Variants in CBX1 observed in about 807,000 individuals in gnomAD.
The protein encoded by CBX1 is chromobox protein homolog 1.
A neutral mutation model predicts 25.1 loss-of-function variants in CBX1; 10 were observed. The observed-to-expected ratio is 0.40, with a 90% CI of 0.25 to 0.68. CBX1 has a LOEUF of 0.68. Ranked by LOEUF, CBX1 falls within the 30% of genes least tolerant of loss-of-function variation. CBX1 has a pLI of 0.40. For synonymous variants in CBX1, 63 were observed against 79.4 expected (o/e 0.79, Z 1.10); for missense variants, 106 against 218.5 (o/e 0.49, Z 3.25).
intron 1 of CBX1, among the ~76,000 whole-genome samples, chr17:48,099,407 CTATT>C (rs1315793926): frequency 2.8e-5 from 3 of 108,466 alleles, no homozygotes; most frequent in African/African-American, 1.5e-4. Flanking sequence ...CCCGACCCTA[CTATT>C]TATTTTTTTA....
intron 1 of CBX1, among the ~76,000 whole-genome samples, chr17:48,087,165 G>A (rs376477946): frequency 2.0e-5 from 3 of 149,822 alleles, no homozygotes; most frequent in African/African-American, 7.4e-5. Flanking sequence ...CTCTAGCCTG[G>A]GCAACAGAGT....
intron 1 of CBX1, among the ~76,000 whole-genome samples, chr17:48,089,452 G>A (rs1269476449): frequency 6.7e-6 from 1 of 150,290 alleles, no homozygotes; most frequent in Non-Finnish European, 1.5e-5. Context: ...AACATTCTTG[G>A]ATAAAAGCTA....
chr17:48,088,027 G>A (rs1231990666), intron 1 of CBX1: 3 of 151,372 alleles, frequency 2.0e-5, no homozygotes, highest in Non-Finnish European at 2.9e-5. Context: ...AATATATAAC[G>A]TGGCCAGGCG....
intron 1 of CBX1, among the ~76,000 whole-genome samples, chr17:48,083,723 C>T (rs959844472): frequency 1.3e-5 from 2 of 149,930 alleles, no homozygotes; most frequent in Non-Finnish European, 2.9e-5. Flanking sequence ...ACTTGGAAGG[C>T]TGAGGCAGGA....
intron 1 of CBX1, among the ~76,000 whole-genome samples, chr17:48,093,737 T>G (rs2109984): frequency 0.73 from 110,449 of 152,178 alleles, 40,820 homozygotes; most frequent in Admixed American, 0.81. Flanking sequence ...TCACAAAATC[T>G]ACATTCCTGT....
Position 48,088,476 on chromosome 17 carries a change from G to A in CBX1, c.-37-11435C>T, listed in dbSNP as rs538438094. Among the ~76,000 whole-genome samples, 736 of 151,940 alleles carry A rather than the reference G, an allele frequency of 4.8e-3. 4 individuals carry two copies. Among genetic ancestry groups the A allele is most frequent in the African/African-American group, 0.016 (675 of 41,420 alleles). Reference sequence around the variant, plus strand: ...TCTACTAAAAATACAAAAATTAGCCGGGCGTGGTGGCGCATGCCTGTAATC... The same window carrying A: ...TCTACTAAAAATACAAAAATTAGCCAGGCGTGGTGGCGCATGCCTGTAATC... On this transcript the variant is annotated intron_variant, in intron 1 of 4. Coordinates refer to ENST00000225603, the MANE Select transcript of CBX1 (RefSeq NM_001127228.2).
chr17:48,094,829 T>C (rs1437997476), intron 1 of CBX1, among the ~76,000 whole-genome samples: 1 of 151,198 alleles, frequency 6.6e-6, no homozygotes, highest in African/African-American at 2.4e-5. Flanking sequence ...GGTGGATCAC[T>C]TGACGCCTGG....
At chr17:48,080,435 T>C (rs1177913693) in intron 1 of CBX1, among the ~76,000 whole-genome samples, 1 of 151,994 alleles carries the variant, frequency 6.6e-6, no homozygotes. Context: ...TCAACAAAAC[T>C]GGCCAAAGAA....
chr17:48,081,692 T>C (rs2037739358), intron 1 of CBX1, among the ~76,000 whole-genome samples: 1 of 152,198 alleles, frequency 6.6e-6, no homozygotes, highest in Non-Finnish European at 1.5e-5. Flanking sequence ...TCTGCCTGCC[T>C]CGGCCTCCCA....
At chr17:48,075,821 A>T (rs539628772) in intron 3 of CBX1, among the ~76,000 whole-genome samples, 180 bp downstream of exon 3, 1 of 152,190 alleles carries the variant, frequency 6.6e-6, no homozygotes, top group Non-Finnish European at 1.5e-5. Flanking sequence ...TGTACCATGG[A>T]TAAAAAGTAA....
intron 1 of CBX1, chr17:48,096,309 T>G (rs115195069): frequency 1.0e-6 from 1 of 981,956 alleles, no homozygotes; most frequent in Non-Finnish European, 1.2e-6. Context: ...CTTGAGTATG[T>G]TGACATGGAT....
chr17:48,083,549 G>A (rs1007812785), intron 1 of CBX1, among the ~76,000 whole-genome samples: 2 of 150,448 alleles, frequency 1.3e-5, no homozygotes, highest in Non-Finnish European at 2.9e-5. Flanking sequence ...GCCAGGTGGC[G>A]TGGTGGCTCA....
chr17:48,075,264 G>A (rs1197675161), intron 3 of CBX1, among the ~76,000 whole-genome samples, 164 bp from the exon 4 acceptor site: 1 of 150,254 alleles, frequency 6.7e-6, no homozygotes, highest in African/African-American at 2.5e-5. Context: ...GTGCGATCTC[G>A]GCTCACTGCA....
At position 48,071,121 on chromosome 17, in the gene CBX1, AT is replaced by A. The variant is rs960137168; in HGVS notation, c.*313del. The A allele has an allele frequency of 1.5e-5, 3 of 202,338 alleles. No individual in the cohort carries two copies. The highest frequency in any genetic ancestry group is 2.0e-5 in the Non-Finnish European group (2 of 99,770). The allele number at this position is 202,338 out of a possible 1,614,324, so 12.5% of individuals were successfully genotyped here. ...GAGATGCTCTTTGAAGATCTACAGT[AT>A]TTTTTTGCTCTCCCACACACCCAAT... On this transcript the variant is annotated 3_prime_UTR_variant, in exon 5 of 5. Coordinates refer to ENST00000225603, the MANE Select transcript of CBX1 (RefSeq NM_001127228.2).
At chr17:48,092,366 C>T (rs994975194) in intron 1 of CBX1, among the ~76,000 whole-genome samples, 4 of 151,314 alleles carry the variant, frequency 2.6e-5, no homozygotes, top group African/African-American at 9.7e-5. Context: ...ACCTGTAATC[C>T]CAGCAGTTTA....
At chr17:48,073,368 G>A (rs4995899) in intron 4 of CBX1, among the ~76,000 whole-genome samples, 16,959 of 152,074 alleles carry the variant, frequency 0.11, 1,016 homozygotes, top group East Asian at 0.19. Flanking sequence ...GAAGCATGCT[G>A]CCATTTGCTG....
chr17:48,087,657 A>G (rs1343819605), intron 1 of CBX1, among the ~76,000 whole-genome samples: 1 of 152,070 alleles, frequency 6.6e-6, no homozygotes, highest in African/African-American at 2.4e-5. Context: ...GCAGATCACT[A>G]GGTCATGAGA....
At chr17:48,076,267 G>T in intron 2 of CBX1, 89 bp from the exon 3 acceptor site, 1 of 1,058,352 alleles carries the variant, frequency 9.4e-7, no homozygotes, top group Non-Finnish European at 1.3e-6. Flanking sequence ...GACCTCAGAT[G>T]TCTATGGAAA....
At chr17:48,076,482 A>G (rs1184405499) in intron 2 of CBX1, among the ~76,000 whole-genome samples, 1 of 152,102 alleles carries the variant, frequency 6.6e-6, no homozygotes, top group Non-Finnish European at 1.5e-5. Flanking sequence ...AGGTGGGAGG[A>G]CTGCTTGAGG....
Sources: allele counts gnomAD v4.1 joint callset (sites outside exome capture counted in the v4.1 genomes callset), GRCh38; gene constraint gnomAD v4.1.1; transcripts MANE v1.5; gene names NCBI Gene and HGNC (gene_info 2026-07-23, HGNC 2026-07-21).